The following ENAH variants were observed in gnomAD, a reference collection of about 807,000 sequenced individuals.
ENAH encodes ENAH actin regulator.
ENAH carries 23 observed loss-of-function variants against 78.7 expected under a neutral mutation model. The ratio of observed to expected loss-of-function variants is 0.29; its 90% CI spans 0.21 to 0.41. ENAH has a LOEUF of 0.41. Ranked by LOEUF, ENAH falls within the 10% of genes least tolerant of loss-of-function variation. ENAH has a pLI of 1.00. For missense variants in ENAH, 544 were observed against 691.0 expected, an observed-to-expected ratio of 0.79 and a Z score of 2.39; for synonymous variants, 226 against 241.0, an observed-to-expected ratio of 0.94 and a Z score of 0.58.
At chr1:225,605,898 C>G (rs1199499029) in intron 1 of ENAH, among the ~76,000 whole-genome samples, 1 of 152,210 alleles carries the variant, frequency 6.6e-6, no homozygotes, top group Non-Finnish European at 1.5e-5. Context: ...CCTTGACCTT[C>G]TAGCCTTCAG....
At chr1:225,535,115 C>T (rs2096555472) in intron 3 of ENAH, among the ~76,000 whole-genome samples, 1 of 152,116 alleles carries the variant, frequency 6.6e-6, no homozygotes, top group African/African-American at 2.4e-5. Flanking sequence ...GTTTCCTTTG[C>T]ACAAGGCACA....
At chr1:225,506,604 T>C (rs1044786037) in intron 11 of ENAH, among the ~76,000 whole-genome samples, 1 of 152,204 alleles carries the variant, frequency 6.6e-6, no homozygotes, top group Non-Finnish European at 1.5e-5. Context: ...GAAACATAAA[T>C]GTGCAATTTT....
At chr1:225,632,778 C>A (rs983817280) in intron 1 of ENAH, among the ~76,000 whole-genome samples, 15 of 152,100 alleles carry the variant, frequency 9.9e-5, no homozygotes, top group African/African-American at 3.4e-4. Context: ...GGCGCAGACG[C>A]CCCCCAGGGC....
chr1:225,529,524 T>G (rs935161536), intron 4 of ENAH, among the ~76,000 whole-genome samples: 17 of 152,156 alleles, frequency 1.1e-4, no homozygotes, highest in African/African-American at 3.9e-4. Context: ...CTTACTCTGT[T>G]GCATTTTTCC....
intron 3 of ENAH, among the ~76,000 whole-genome samples, chr1:225,541,187 C>T (rs2096586558): frequency 6.6e-6 from 1 of 152,198 alleles, no homozygotes; most frequent in African/African-American, 2.4e-5. Context: ...GTAATCCCAG[C>T]ACTTTGGGAG....
intron 1 of ENAH, among the ~76,000 whole-genome samples, chr1:225,586,330 G>C (rs1192440813): frequency 6.6e-6 from 1 of 150,954 alleles, no homozygotes. Flanking sequence ...AAAAGTAGAG[G>C]GAAAAGGAAG....
At chr1:225,518,718 T>A (rs1300046966) in intron 5 of ENAH, among the ~76,000 whole-genome samples, 2 of 152,218 alleles carry the variant, frequency 1.3e-5, no homozygotes, top group Admixed American at 1.3e-4. Flanking sequence ...TTTTTCATAA[T>A]ACTAGAAAGC....
intron 1 of ENAH, among the ~76,000 whole-genome samples, chr1:225,585,027 C>A (rs1006813573): frequency 6.6e-6 from 1 of 151,638 alleles, no homozygotes; most frequent in Admixed American, 6.6e-5. Flanking sequence ...CCATCCTGGC[C>A]AACATGGTGA....
intron 1 of ENAH, among the ~76,000 whole-genome samples, chr1:225,635,455 C>T (rs28617210): frequency 0.12 from 18,309 of 152,174 alleles, 1,914 homozygotes; most frequent in African/African-American, 0.28. Flanking sequence ...TCATTAGCTC[C>T]AGCTGCTTTA....
At chr1:225,621,943 G>A (rs1371056256) in intron 1 of ENAH, among the ~76,000 whole-genome samples, 4 of 152,056 alleles carry the variant, frequency 2.6e-5, no homozygotes, top group Non-Finnish European at 1.5e-5. Flanking sequence ...TTCTCTCATA[G>A]CCTCCCTCTT....
At position 225,492,978 on chromosome 1, in the gene ENAH, T is replaced by G. The variant is rs545058473; in HGVS notation, c.*4797A>C. The G allele has an allele frequency of 2.0e-5, 3 of 152,346 alleles. No individual in the cohort carries two copies. The highest frequency in any genetic ancestry group is 7.2e-5 in the African/African-American group (3 of 41,584). 9.4% of individuals were successfully genotyped at this position (152,346 alleles called of 1,614,324 possible). A position where few individuals can be genotyped will look rare whatever the true frequency, so the allele number is the denominator to read the frequency against. Reference sequence around the variant, plus strand: ...CAAAAGATTTTACTCTTATGTGACTTGACCATTAGTATTCCACAAATAATT... The same window carrying G: ...CAAAAGATTTTACTCTTATGTGACTGGACCATTAGTATTCCACAAATAATT... On this transcript the variant is annotated 3_prime_UTR_variant, in exon 14 of 14. Coordinates refer to ENST00000366843, the MANE Select transcript of ENAH (RefSeq NM_018212.6).
intron 1 of ENAH, among the ~76,000 whole-genome samples, chr1:225,638,777 T>C (rs1436203033): frequency 5.3e-5 from 8 of 152,294 alleles, no homozygotes; most frequent in South Asian, 2.1e-4. Flanking sequence ...ATAGGAATAA[T>C]AGACCAATGC....
intron 1 of ENAH, among the ~76,000 whole-genome samples, chr1:225,593,514 T>C (rs965438538): frequency 1.3e-5 from 2 of 150,342 alleles, no homozygotes; most frequent in Admixed American, 1.3e-4. Flanking sequence ...CTTTATGCTT[T>C]GAGAGGGGTG....
At chr1:225,553,661 T>C (rs1209045887) in intron 3 of ENAH, among the ~76,000 whole-genome samples, 3 of 151,910 alleles carry the variant, frequency 2.0e-5, no homozygotes, top group African/African-American at 4.8e-5. Flanking sequence ...TATGATAGCA[T>C]GCCAATAAAA....
chr1:225,515,033 T>C (rs1488976711), intron 6 of ENAH, 133 bp from the exon 7 acceptor site: 7 of 770,452 alleles, frequency 9.1e-6, no homozygotes, highest in Admixed American at 5.0e-5. Flanking sequence ...CAATTTATCA[T>C]AGTTGTAAAA....
intron 1 of ENAH, among the ~76,000 whole-genome samples, chr1:225,628,142 G>A (rs1487076445): frequency 6.6e-6 from 1 of 152,216 alleles, no homozygotes; most frequent in Non-Finnish European, 1.5e-5. Flanking sequence ...CAGCAGAGCT[G>A]TAAATCAATT....
rs1351320887 is a variant in ENAH, at chr1:225,497,628, CA to C, written c.*146del. Reference sequence around the variant, plus strand: ...CAGAGTCATAATGTCTGAAGGCTTTCAGAGTAGGTTGGTTTTTCCCTCCTTC... The same window carrying C: ...CAGAGTCATAATGTCTGAAGGCTTTCGAGTAGGTTGGTTTTTCCCTCCTTC... On this transcript the variant is annotated 3_prime_UTR_variant, in exon 14 of 14. Transcript: ENST00000366843. The C allele has an allele frequency of 1.6e-6, 1 of 606,702 alleles. No homozygotes were observed. Among genetic ancestry groups the C allele is most frequent in the African/African-American group, 1.8e-5 (1 of 54,162 alleles). The allele number at this position is 606,702 out of a possible 1,614,324, so 37.6% of individuals were successfully genotyped here. A position where few individuals can be genotyped will look rare whatever the true frequency, so the allele number is the denominator to read the frequency against.
At chr1:225,530,065 A>G (rs1277354820) in intron 4 of ENAH, among the ~76,000 whole-genome samples, 1 of 152,232 alleles carries the variant, frequency 6.6e-6, no homozygotes, top group African/African-American at 2.4e-5. Context: ...TACTCTGACC[A>G]CTTTCAGAGA....
chr1:225,513,183 C>T (rs1312091710), intron 7 of ENAH, among the ~76,000 whole-genome samples, 167 bp from the exon 8 acceptor site: 1 of 152,038 alleles, frequency 6.6e-6, no homozygotes. Context: ...CTTTATATAT[C>T]AACAAGAGTT....
Sources: allele counts gnomAD v4.1 joint callset (sites outside exome capture counted in the v4.1 genomes callset), GRCh38; gene constraint gnomAD v4.1.1; transcripts MANE v1.5; gene names NCBI Gene and HGNC (gene_info 2026-07-23, HGNC 2026-07-21).